Variants in FHIP1A observed in about 807,000 individuals in gnomAD.
FHIP1A encodes FHF complex subunit HOOK interacting protein 1A.
A neutral mutation model predicts 88.6 loss-of-function variants in FHIP1A; 61 were observed. The observed-to-expected ratio is 0.69, with a 90% CI of 0.56 to 0.85. FHIP1A has a LOEUF of 0.85. Ranked by LOEUF, FHIP1A falls within the 40% of genes least tolerant of loss-of-function variation. The probability of loss-of-function intolerance (pLI) is 0.00; values close to 1 mark genes in which losing one functional copy is unlikely to be tolerated. For synonymous variants in FHIP1A, 478 were observed against 496.0 expected, an observed-to-expected ratio of 0.96 and a Z score of 0.48; for missense variants, 1,154 against 1,273.5, an observed-to-expected ratio of 0.91 and a Z score of 1.43.
At chr4:151,416,396 A>G (rs1378180237) in intron 1 of FHIP1A, among the ~76,000 whole-genome samples, 1 of 152,018 alleles carries the variant, frequency 6.6e-6, no homozygotes, top group Non-Finnish European at 1.5e-5. Flanking sequence ...GATTCCATTC[A>G]TTTTAGGTTG....
At chr4:151,498,829 A>C (rs1730552887) in intron 3 of FHIP1A, among the ~76,000 whole-genome samples, 2 of 152,184 alleles carry the variant, frequency 1.3e-5, no homozygotes, top group South Asian at 4.2e-4. Flanking sequence ...AAAGAAAAAA[A>C]ATATATGAAA....
intron 4 of FHIP1A, among the ~76,000 whole-genome samples, chr4:151,574,059 G>A (rs1733694915): frequency 6.6e-6 from 1 of 152,350 alleles, no homozygotes; most frequent in African/African-American, 2.4e-5. Context: ...GTAAAAGCAG[G>A]TCATGGGTGT....
Position 151,550,659 on chromosome 4 carries a change from A to C in FHIP1A, c.-122-15479A>C, listed in dbSNP as rs534643627. 2.6e-5 allele frequency among the ~76,000 whole-genome samples: 4 copies of C among 152,328 alleles called. No homozygotes were observed. The South Asian group carries it at 8.3e-4, about 32-fold the overall frequency. On this transcript the variant is annotated intron_variant, in intron 3 of 13. Coordinates refer to ENST00000435205, the MANE Select transcript of FHIP1A (RefSeq NM_001109977.3). ...TACCATTTAAAAGATTTCTGAATTT[A>C]AAAAACTAATATTTTCCCTCTCTCT...
Position 151,638,766 on chromosome 4 carries a change from C to CT in FHIP1A, c.1226+16dup, listed in dbSNP as rs1229647444. On this transcript the variant is annotated intron_variant, in intron 9 of 13. Coordinates refer to ENST00000435205, the MANE Select transcript of FHIP1A (RefSeq NM_001109977.3). ...TACAGCTAGTTCTAAGGTGAGTTGC[C>CT]TTTTTTGTTTCCTTTAAAGAAAAAT... 4 of 1,511,326 alleles carry CT rather than the reference C, an allele frequency of 2.6e-6. No homozygotes were observed. Among genetic ancestry groups the CT allele is most frequent in the Non-Finnish European group, 1.8e-6 (2 of 1,117,120 alleles). The allele number at this position is 1,511,326 out of a possible 1,614,324, so 93.6% of individuals were successfully genotyped here.
chr4:151,504,850 G>A (rs1730776651), intron 3 of FHIP1A, among the ~76,000 whole-genome samples: 1 of 152,088 alleles, frequency 6.6e-6, no homozygotes, highest in South Asian at 2.1e-4. Flanking sequence ...ACTGCTGCCT[G>A]CAGGTGATCC....
At chr4:151,588,017 T>C (rs1734284553) in intron 6 of FHIP1A, among the ~76,000 whole-genome samples, 1 of 152,078 alleles carries the variant, frequency 6.6e-6, no homozygotes, top group South Asian at 2.1e-4. Context: ...ATTGTTTGAC[T>C]TTCTTTCTCT....
At chr4:151,591,035 A>G (rs556392780) in intron 7 of FHIP1A, among the ~76,000 whole-genome samples, 1 of 151,292 alleles carries the variant, frequency 6.6e-6, no homozygotes, top group Non-Finnish European at 1.5e-5. Context: ...ACAAAGATGA[A>G]TTTTTTTCCT....
At position 151,577,693 on chromosome 4, in the gene FHIP1A, G is replaced by A. The variant is rs1733847550; in HGVS notation, c.349G>A (p.Glu117Lys). Residue 117 changes from glutamate to lysine, a missense_variant, in exon 5 of 14, where the codon GAG becomes AAG. Coordinates refer to ENST00000435205, the MANE Select transcript of FHIP1A (RefSeq NM_001109977.3). Reference sequence around the variant, plus strand: ...GGAGTTTACTGATGAGACTAAAATTGAGCAGCTAAAGATGTATGAGATGTT... The same window carrying A: ...GGAGTTTACTGATGAGACTAAAATTAAGCAGCTAAAGATGTATGAGATGTT... ...RREFTDETKI[E>K]QLKMYEMLVT... The A allele has an allele frequency of 6.4e-7, 1 of 1,551,586 alleles. No homozygotes were observed. The highest frequency in any genetic ancestry group is 8.7e-7 in the Non-Finnish European group (1 of 1,146,946).
rs969874280 is a variant in FHIP1A, at chr4:151,665,563, C to T, written c.*2809C>T. Among the ~76,000 whole-genome samples, 1 of 152,092 alleles carries T rather than the reference C, an allele frequency of 6.6e-6. No individual in the cohort carries two copies. The highest frequency in any genetic ancestry group is 1.5e-5 in the Non-Finnish European group (1 of 68,020). ...TGAGAGTGGGTTATTTAGGGAGTGA[C>T]GTGGACATGCCAAAGAAAAACAGCA... On this transcript the variant is annotated 3_prime_UTR_variant, in exon 14 of 14. Coordinates refer to ENST00000435205, the MANE Select transcript of FHIP1A (RefSeq NM_001109977.3).
intron 7 of FHIP1A, among the ~76,000 whole-genome samples, chr4:151,619,916 A>G (rs1735672294): frequency 6.6e-6 from 1 of 152,086 alleles, no homozygotes; most frequent in Admixed American, 6.5e-5. Flanking sequence ...TCTATTTACA[A>G]CTCACTAGCC....
rs1734234889 is a variant in FHIP1A at position 151,586,799 on chromosome 4, G to A, written c.891G>A (p.Gln297=). The A allele has an allele frequency of 2.6e-6, 4 of 1,545,602 alleles. No individual in the cohort carries two copies. Among genetic ancestry groups the A allele is most frequent in the Non-Finnish European group, 1.8e-6 (2 of 1,142,154 alleles). The change falls in exon 6 of 14, where the codon CAG becomes CAA. Residue 297 remains glutamine, a splice_region_variant and synonymous_variant. Coordinates refer to ENST00000435205, the MANE Select transcript of FHIP1A (RefSeq NM_001109977.3). ...NSLEFCNAVI[Q]VAHPLIRNQL... ...TGGAGTTTTGCAATGCAGTCATACA[G>A]GTACCAGAGCACAATAAAGGATCCC...
intron 3 of FHIP1A, among the ~76,000 whole-genome samples, chr4:151,544,774 C>G (rs552472023): frequency 6.6e-6 from 1 of 152,258 alleles, no homozygotes; most frequent in African/African-American, 2.4e-5. Context: ...CCTCTGGAAC[C>G]AGTTCTCTGA....
chr4:151,552,046 C>A (rs1366278463), intron 3 of FHIP1A, among the ~76,000 whole-genome samples: 2 of 152,210 alleles, frequency 1.3e-5, no homozygotes, highest in African/African-American at 2.4e-5. Flanking sequence ...CAAAAGAAGA[C>A]ATTTATGCAG....
chr4:151,521,322 ATATT>A (rs1731434968), intron 3 of FHIP1A, among the ~76,000 whole-genome samples: 1 of 152,170 alleles, frequency 6.6e-6, no homozygotes, highest in African/African-American at 2.4e-5. Flanking sequence ...TTTTGGATGA[ATATT>A]TAATAATTTT....
At chr4:151,549,337 A>G (rs776554061) in intron 3 of FHIP1A, among the ~76,000 whole-genome samples, 2 of 152,114 alleles carry the variant, frequency 1.3e-5, no homozygotes, top group Non-Finnish European at 2.9e-5. Flanking sequence ...ACATACTGAC[A>G]TACTGATTCT....
intron 3 of FHIP1A, among the ~76,000 whole-genome samples, chr4:151,552,825 T>TAAA (rs201295653): frequency 7.2e-6 from 1 of 139,704 alleles, no homozygotes; most frequent in Non-Finnish European, 1.6e-5. Context: ...AAAGTATAAT[T>TAAA]AAAAAAAAAA....
intron 1 of FHIP1A, among the ~76,000 whole-genome samples, chr4:151,452,936 G>GTATATATATATATATA (rs111734450): frequency 6.7e-4 from 98 of 146,200 alleles, no homozygotes; most frequent in Middle Eastern, 3.6e-3. Flanking sequence ...ACATTGAAAC[G>GTATATATATATATATA]TATATATATA....
At chr4:151,458,152 C>T (rs891680993) in intron 2 of FHIP1A, among the ~76,000 whole-genome samples, 7 of 152,154 alleles carry the variant, frequency 4.6e-5, no homozygotes, top group African/African-American at 1.2e-4. Flanking sequence ...TTGCCCATGT[C>T]GCAGAGGTCA....
At chr4:151,495,834 G>A (rs915393665) in intron 3 of FHIP1A, among the ~76,000 whole-genome samples, 34 of 151,936 alleles carry the variant, frequency 2.2e-4, no homozygotes, top group African/African-American at 7.5e-4. Flanking sequence ...ATTTGGCCAG[G>A]GTGGTGTTGA....
Sources: allele counts gnomAD v4.1 joint callset (sites outside exome capture counted in the v4.1 genomes callset), GRCh38; gene constraint gnomAD v4.1.1; transcripts MANE v1.5; gene names NCBI Gene and HGNC (gene_info 2026-07-23, HGNC 2026-07-21).